Variants in ASXL2 observed in about 807,000 individuals in gnomAD.
ASXL2 encodes the protein ASXL transcriptional regulator 2, also known as putative Polycomb group protein ASXL2.
ASXL2 carries 23 observed loss-of-function variants against 122.0 expected under a neutral mutation model. The observed-to-expected ratio is 0.19, with a 90% confidence interval of 0.14 to 0.27. The LOEUF (loss-of-function observed/expected upper bound fraction) is 0.27, where lower values mean the gene tolerates loss of function less well. Ranked by LOEUF, ASXL2 falls within the 10% of genes least tolerant of loss-of-function variation. The pLI, the probability that ASXL2 is intolerant of heterozygous loss-of-function variation, is 1.00. For synonymous variants in ASXL2, 650 were observed against 637.0 expected, an observed-to-expected ratio of 1.02 and a Z score of -0.31; for missense variants, 1,518 against 1,713.8, an observed-to-expected ratio of 0.89 and a Z score of 2.02.
At chr2:25,775,223 G>A (rs946399487) in intron 5 of ASXL2, among the ~76,000 whole-genome samples, 2 of 152,102 alleles carry the variant, frequency 1.3e-5, no homozygotes, top group Non-Finnish European at 2.9e-5. Context: ...TGCTTCTCAG[G>A]TTCAAGTGAT....
intron 8 of ASXL2, among the ~76,000 whole-genome samples, chr2:25,765,777 T>C (rs538147254): frequency 9.3e-4 from 141 of 152,340 alleles, no homozygotes; most frequent in African/African-American, 3.3e-3. Context: ...GAATATGCGC[T>C]CCATGAGGAA....
intron 3 of ASXL2, among the ~76,000 whole-genome samples, chr2:25,811,100 A>ACACACACACACACACAC (rs1559518075): frequency 6.7e-6 from 1 of 149,728 alleles, no homozygotes; most frequent in African/African-American, 2.5e-5. Context: ...ACACACACAC[A>ACACACACACACACACAC]AAATCAGCCA....
intron 5 of ASXL2, among the ~76,000 whole-genome samples, chr2:25,784,230 G>A (rs1384062532): frequency 6.6e-6 from 1 of 152,066 alleles, no homozygotes; most frequent in Non-Finnish European, 1.5e-5. Context: ...CAGCCTGGGT[G>A]ACAGAGTAAG....
chr2:25,803,057 G>A lies in ASXL2; in HGVS notation c.252+3172C>T, dbSNP rs144570411. On this transcript the variant is annotated intron_variant, in intron 4 of 12. Transcript: ENST00000435504. ...TGAGGCAGGAGAACTGCTTGAACCC[G>A]GGAGGCGGAGGTTGCAGTGAGCTGA... Among the ~76,000 whole-genome samples, 371 of 152,272 alleles carry A rather than the reference G, an allele frequency of 2.4e-3. 2 individuals are homozygous for A. Among genetic ancestry groups the A allele is most frequent in the African/African-American group, 8.3e-3 (346 of 41,562 alleles).
chr2:25,739,681 T>A lies in ASXL2; in HGVS notation c.*2348A>T, dbSNP rs1322401285. On this transcript the variant is annotated 3_prime_UTR_variant, in exon 13 of 13. Coordinates refer to ENST00000435504, the MANE Select transcript of ASXL2 (RefSeq NM_018263.6). ...AAGAGGCACAATATGGTTTGCTCTC[T>A]AAACGGACTTAAAAATCCCTGATAC... 9.9e-6 allele frequency: 2 copies of A among 201,544 alleles called. No individual in the cohort carries two copies. Among genetic ancestry groups the A allele is most frequent in the Non-Finnish European group, 2.0e-5 (2 of 98,090 alleles). The allele number at this position is 201,544 out of a possible 1,614,324, so 12.5% of individuals were successfully genotyped here. A position where few individuals can be genotyped will look rare whatever the true frequency, so the allele number is the denominator to read the frequency against.
chr2:25,803,634 A>G (rs941792790), intron 4 of ASXL2, among the ~76,000 whole-genome samples: 2 of 152,222 alleles, frequency 1.3e-5, no homozygotes, highest in South Asian at 2.1e-4. Context: ...GGATGGTTTC[A>G]GATGAAACTG....
At chr2:25,871,773 C>G (rs778943487) in intron 1 of ASXL2, among the ~76,000 whole-genome samples, 15 of 152,050 alleles carry the variant, frequency 9.9e-5, no homozygotes, top group Non-Finnish European at 1.8e-4. Context: ...GAAATTAACA[C>G]AAAATTTATG....
At chr2:25,814,962 C>A (rs1041491267) in intron 3 of ASXL2, among the ~76,000 whole-genome samples, 1 of 152,126 alleles carries the variant, frequency 6.6e-6, no homozygotes, top group African/African-American at 2.4e-5. Context: ...CTGTGTAACT[C>A]GATTGTACAG....
intron 2 of ASXL2, among the ~76,000 whole-genome samples, chr2:25,842,545 T>C (rs904250841): frequency 1.3e-4 from 20 of 152,078 alleles, no homozygotes; most frequent in South Asian, 2.1e-4. Flanking sequence ...AGCCTTACTA[T>C]GTTACAGCTG....
At position 25,737,643 on chromosome 2, in the gene ASXL2, T is replaced by G. The variant is rs2087758495; in HGVS notation, c.*4386A>C. ...GACTCTTACCCACGCCACTCTCAGA[T>G]GTATGTTAAACCTCAAGATTCACCA... On this transcript the variant is annotated 3_prime_UTR_variant, in exon 13 of 13. Coordinates refer to ENST00000435504, the MANE Select transcript of ASXL2 (RefSeq NM_018263.6). 1 of 152,220 alleles carries G rather than the reference T, an allele frequency of 6.6e-6. No homozygotes were observed. Among genetic ancestry groups the G allele is most frequent in the Non-Finnish European group, 1.5e-5 (1 of 68,046 alleles). The allele number at this position is 152,220 out of a possible 1,614,324, so 9.4% of individuals were successfully genotyped here.
chr2:25,770,764 G>GT (rs1212618153), intron 6 of ASXL2, among the ~76,000 whole-genome samples: 1 of 152,146 alleles, frequency 6.6e-6, no homozygotes, highest in Non-Finnish European at 1.5e-5. Flanking sequence ...CTAGCTGTGT[G>GT]TAATTCTCTG....
At chr2:25,773,035 C>A (rs2088483127) in intron 5 of ASXL2, among the ~76,000 whole-genome samples, 1 of 151,400 alleles carries the variant, frequency 6.6e-6, no homozygotes, top group Non-Finnish European at 1.5e-5. Context: ...ATGGTGAAAC[C>A]CCATCTCTAC....
intron 1 of ASXL2, chr2:25,856,520 C>T: frequency 1.8e-6 from 2 of 1,107,392 alleles, no homozygotes; most frequent in Non-Finnish European, 2.7e-6. Flanking sequence ...TCCCCAAGAG[C>T]CTCCTCAATC....
chr2:25,812,145 G>A (rs1300271531), intron 3 of ASXL2, among the ~76,000 whole-genome samples: 2 of 148,700 alleles, frequency 1.3e-5, no homozygotes, highest in Non-Finnish European at 3.0e-5. Flanking sequence ...GCAATTTCCT[G>A]TGAGTCTATA....
rs370316025 is a variant in ASXL2 at position 25,786,243 on chromosome 2, C to CTTTTTTTTTTTTTTTTTTTTTT, written c.403+13141_403+13142insAAAAAAAAAAAAAAAAAAAAAA. On this transcript the variant is annotated intron_variant, in intron 5 of 12. Coordinates refer to ENST00000435504, the MANE Select transcript of ASXL2 (RefSeq NM_018263.6). The stretch of plus-strand genomic sequence containing the variant: ...AAACAACCTACTACTCCACATCATT[C>CTTTTTTTTTTTTTTTTTTTTTT]TTTTTTTTTTTTTTTTGAGATGGAG... 1.6e-4 allele frequency among the ~76,000 whole-genome samples: 18 copies of CTTTTTTTTTTTTTTTTTTTTTT among 112,402 alleles called. 3 individuals are homozygous for CTTTTTTTTTTTTTTTTTTTTTT. The highest frequency in any genetic ancestry group is 7.9e-4 in the East Asian group (2 of 2,536). 73.7% of individuals were successfully genotyped at this position (112,402 alleles called of 152,430 possible). A position where few individuals can be genotyped will look rare whatever the true frequency, so the allele number is the denominator to read the frequency against.
chr2:25,788,213 T>A (rs2088778448), intron 5 of ASXL2, among the ~76,000 whole-genome samples: 1 of 152,124 alleles, frequency 6.6e-6, no homozygotes, highest in East Asian at 1.9e-4. Context: ...TACAAAAAAA[T>A]TCCACATGGT....
At chr2:25,809,228 GA>G (rs2089129662) in intron 3 of ASXL2, among the ~76,000 whole-genome samples, 1 of 151,944 alleles carries the variant, frequency 6.6e-6, no homozygotes. Context: ...AGGCAGTTGA[GA>G]GGGGGCAGAG....
At chr2:25,758,895 G>A (rs1481433534) in intron 9 of ASXL2, among the ~76,000 whole-genome samples, 1 of 151,816 alleles carries the variant, frequency 6.6e-6, no homozygotes. Context: ...CCACTCCACT[G>A]AAGCACTGGC....
At chr2:25,861,040 A>T (rs950209308) in intron 1 of ASXL2, among the ~76,000 whole-genome samples, 13 of 152,202 alleles carry the variant, frequency 8.5e-5, no homozygotes, top group Admixed American at 5.2e-4. Context: ...AAAAAGAACT[A>T]AAATCAAAAC....
Sources: gnomAD v4.1 joint callset for allele counts (sites outside exome capture counted in the v4.1 genomes callset) on GRCh38, gnomAD v4.1.1 for gene constraint, MANE v1.5 for transcripts, NCBI Gene and HGNC (gene_info 2026-07-23, HGNC 2026-07-21) for gene names.